The following CNTNAP5 variants were observed in gnomAD, a reference collection of about 807,000 sequenced individuals.
CNTNAP5 encodes contactin associated protein family member 5, also known as contactin-associated protein-like 5.
A neutral mutation model predicts 150.2 loss-of-function variants in CNTNAP5; 72 were observed. The ratio of observed to expected loss-of-function variants is 0.48; its 90% confidence interval spans 0.40 to 0.58. The LOEUF (loss-of-function observed/expected upper bound fraction) is 0.58. Ranked by LOEUF, CNTNAP5 falls within the 20% of genes least tolerant of loss-of-function variation. The pLI, the probability that CNTNAP5 is intolerant of heterozygous loss-of-function variation, is 0.00. For synonymous variants in CNTNAP5, 672 were observed against 619.8 expected (o/e 1.08, Z -1.25); for missense variants, 1,636 against 1,626.2 (o/e 1.01, Z -0.10).
intron 3 of CNTNAP5, among the ~76,000 whole-genome samples, chr2:124,302,321 T>C (rs988247058): frequency 1.3e-5 from 2 of 152,248 alleles, no homozygotes; most frequent in African/African-American, 4.8e-5. Context: ...GTTTCACATT[T>C]ATGTGCCGGT....
intron 6 of CNTNAP5, among the ~76,000 whole-genome samples, chr2:124,459,060 A>C (rs1461927764): frequency 6.6e-6 from 1 of 152,234 alleles, no homozygotes; most frequent in Non-Finnish European, 1.5e-5. Context: ...AATTTGTCCT[A>C]CAATTATTAG....
At chr2:124,066,189 T>A (rs1037356473) in intron 1 of CNTNAP5, among the ~76,000 whole-genome samples, 35 of 139,348 alleles carry the variant, frequency 2.5e-4, no homozygotes, top group Admixed American at 2.0e-3. Flanking sequence ...AGAGAGACAG[T>A]TTTTTTCTTT....
At chr2:124,618,328 C>T (rs537275896) in intron 12 of CNTNAP5, among the ~76,000 whole-genome samples, 3 of 152,174 alleles carry the variant, frequency 2.0e-5, no homozygotes, top group Admixed American at 2.0e-4. Flanking sequence ...CATGCATGGA[C>T]CTTAGCACTG....
At chr2:124,052,315 A>T (rs141119818) in intron 1 of CNTNAP5, among the ~76,000 whole-genome samples, 1 of 152,312 alleles carries the variant, frequency 6.6e-6, no homozygotes, top group East Asian at 1.9e-4. Context: ...TTCATCTGCA[A>T]ATGATAGTAA....
intron 4 of CNTNAP5, among the ~76,000 whole-genome samples, chr2:124,432,675 A>T (rs951686167): frequency 1.3e-5 from 2 of 152,210 alleles, no homozygotes; most frequent in African/African-American, 2.4e-5. Flanking sequence ...AATATTGTGT[A>T]CATTGTGATG....
intron 1 of CNTNAP5, among the ~76,000 whole-genome samples, chr2:124,165,956 C>A (rs1684803783): frequency 6.6e-6 from 1 of 152,184 alleles, no homozygotes; most frequent in African/African-American, 2.4e-5. Flanking sequence ...TCATTGCTTT[C>A]ACACCCAGCC....
chr2:124,026,000 C>T (rs1356408184), intron 1 of CNTNAP5, among the ~76,000 whole-genome samples: 8 of 152,204 alleles, frequency 5.3e-5, no homozygotes, highest in African/African-American at 1.9e-4. Context: ...CTCCTGCTAG[C>T]TCCGCGTTCC....
chr2:124,454,736 G>C (rs1693074445), intron 6 of CNTNAP5, among the ~76,000 whole-genome samples: 1 of 151,894 alleles, frequency 6.6e-6, no homozygotes, highest in African/African-American at 2.4e-5. Context: ...AACTCCAAAA[G>C]GAACATTCAA....
At chr2:124,279,650 C>T (rs1254414708) in intron 3 of CNTNAP5, among the ~76,000 whole-genome samples, 1 of 152,088 alleles carries the variant, frequency 6.6e-6, no homozygotes, top group East Asian at 1.9e-4. Flanking sequence ...TGGAACCTAA[C>T]TAGGGAATGA....
chr2:124,870,206 A>C (rs978431580), intron 21 of CNTNAP5, among the ~76,000 whole-genome samples: 1 of 151,034 alleles, frequency 6.6e-6, no homozygotes, highest in African/African-American at 2.4e-5. Flanking sequence ...ATATATGATG[A>C]CAGTATTCAT....
intron 19 of CNTNAP5, among the ~76,000 whole-genome samples, chr2:124,826,143 T>TA (rs1682588288): frequency 6.6e-6 from 1 of 150,606 alleles, no homozygotes; most frequent in South Asian, 2.1e-4. Flanking sequence ...CTTACTGAGT[T>TA]ATTACTACAT....
intron 1 of CNTNAP5, among the ~76,000 whole-genome samples, chr2:124,076,786 T>C (rs1161519092): frequency 6.6e-6 from 1 of 152,160 alleles, no homozygotes; most frequent in Non-Finnish European, 1.5e-5. Flanking sequence ...AGTGGTCAAA[T>C]TGGCACTATG....
intron 11 of CNTNAP5, among the ~76,000 whole-genome samples, chr2:124,576,011 T>G (rs998626224): frequency 3.3e-5 from 5 of 152,182 alleles, no homozygotes; most frequent in African/African-American, 1.2e-4. Context: ...TTAAAGAGTA[T>G]TTCTTAAAGA....
intron 4 of CNTNAP5, among the ~76,000 whole-genome samples, chr2:124,420,014 T>C (rs1375497735): frequency 1.4e-5 from 2 of 138,642 alleles, no homozygotes; most frequent in Non-Finnish European, 3.1e-5. Flanking sequence ...TTTTTTGAGA[T>C]GGAGCCTCGC....
At chr2:124,543,984 C>A (rs1308264134) in intron 10 of CNTNAP5, among the ~76,000 whole-genome samples, 1 of 151,828 alleles carries the variant, frequency 6.6e-6, no homozygotes, top group Non-Finnish European at 1.5e-5. Context: ...TTGTTCAAAT[C>A]CATAGAGAAC....
chr2:124,306,548 C>T (rs990586363), intron 3 of CNTNAP5, among the ~76,000 whole-genome samples: 1 of 152,106 alleles, frequency 6.6e-6, no homozygotes, highest in Non-Finnish European at 1.5e-5. Context: ...AGTGTGGCAC[C>T]TGCTTCACAC....
At chr2:124,208,466 G>A (rs1441283586) in intron 1 of CNTNAP5, among the ~76,000 whole-genome samples, 2 of 152,316 alleles carry the variant, frequency 1.3e-5, no homozygotes, top group East Asian at 3.9e-4. Context: ...TACATTTTGT[G>A]AGAGTAATAG....
chr2:124,067,732 CT>C (rs1682196903), intron 1 of CNTNAP5, among the ~76,000 whole-genome samples: 1 of 152,074 alleles, frequency 6.6e-6, no homozygotes, highest in Non-Finnish European at 1.5e-5. Context: ...AGTGTTAAGG[CT>C]TGAGAAAAGT....
chr2:124,590,060 C>T (rs372996643), intron 11 of CNTNAP5, among the ~76,000 whole-genome samples: 5 of 152,012 alleles, frequency 3.3e-5, no homozygotes, highest in East Asian at 3.9e-4. Context: ...GTTTTCCCCT[C>T]CCTCTCTCTC....
Sources: allele counts gnomAD v4.1 joint callset (sites outside exome capture counted in the v4.1 genomes callset), GRCh38; gene constraint gnomAD v4.1.1; transcripts MANE v1.5; gene names NCBI Gene and HGNC (gene_info 2026-07-23, HGNC 2026-07-21).